The following SLC25A21 variants were observed in gnomAD, a reference collection of about 807,000 sequenced individuals.
SLC25A21 encodes the protein mitochondrial 2-oxodicarboxylate carrier.
SLC25A21 carries 47 observed loss-of-function variants against 43.8 expected under a neutral mutation model. The observed-to-expected ratio is 1.07, with a 90% confidence interval of 0.85 to 1.37. SLC25A21 has a LOEUF of 1.37. SLC25A21 is among the 40% of genes most tolerant of loss of function. The pLI is 0.00. For synonymous variants in SLC25A21, 131 were observed against 121.3 expected, an observed-to-expected ratio of 1.08 and a Z score of -0.52; for missense variants, 352 against 350.2, an observed-to-expected ratio of 1.00 and a Z score of -0.04.
At chr14:37,143,442 T>C (rs941386322) in intron 1 of SLC25A21, among the ~76,000 whole-genome samples, 3 of 152,198 alleles carry the variant, frequency 2.0e-5, no homozygotes, top group African/African-American at 7.2e-5. Context: ...CCGAAGGAAT[T>C]CATGGACATT....
At chr14:36,923,044 AG>A (rs1892025424) in intron 1 of SLC25A21, among the ~76,000 whole-genome samples, 1 of 152,150 alleles carries the variant, frequency 6.6e-6, no homozygotes. Context: ...TTAGTAGACA[AG>A]GCTTTTAGAG....
intron 1 of SLC25A21, among the ~76,000 whole-genome samples, chr14:36,938,304 C>A (rs1479385860): frequency 6.6e-6 from 1 of 152,096 alleles, no homozygotes. Context: ...CTGTGCCAGG[C>A]CTTTAACTAA....
chr14:37,164,919 AATGAG>A (rs1265230711), intron 1 of SLC25A21, among the ~76,000 whole-genome samples: 5 of 152,248 alleles, frequency 3.3e-5, no homozygotes, highest in Non-Finnish European at 7.3e-5. Context: ...GAAGGTGATT[AATGAG>A]ATAACACTAC....
At chr14:36,770,987 A>G (rs1383506613) in intron 3 of SLC25A21, among the ~76,000 whole-genome samples, 1 of 152,166 alleles carries the variant, frequency 6.6e-6, no homozygotes, top group East Asian at 1.9e-4. Flanking sequence ...AAGTGTAAAT[A>G]CAAAGGCCCT....
At chr14:36,814,963 T>C (rs971859894) in intron 2 of SLC25A21, among the ~76,000 whole-genome samples, 2 of 152,152 alleles carry the variant, frequency 1.3e-5, no homozygotes, top group African/African-American at 4.8e-5. Context: ...ATGTGGCACA[T>C]ATACACCATG....
chr14:36,901,536 CAT>C (rs1397489083), intron 1 of SLC25A21, among the ~76,000 whole-genome samples: 18 of 152,030 alleles, frequency 1.2e-4, no homozygotes, highest in Non-Finnish European at 1.9e-4. Context: ...TTTTATAAAA[CAT>C]ATTTAATACT....
chr14:36,968,037 T>C (rs1387430991), intron 1 of SLC25A21, among the ~76,000 whole-genome samples: 1 of 152,066 alleles, frequency 6.6e-6, no homozygotes, highest in Non-Finnish European at 1.5e-5. Flanking sequence ...GAGCAGCAGT[T>C]AAGAAAGCAA....
chr14:37,044,897 A>G (rs1347109833), intron 1 of SLC25A21, among the ~76,000 whole-genome samples: 1 of 152,228 alleles, frequency 6.6e-6, no homozygotes, highest in Non-Finnish European at 1.5e-5. Context: ...AAATTGCTCT[A>G]GATCAATGTC....
chr14:36,834,831 A>T (rs1429347236), intron 2 of SLC25A21, among the ~76,000 whole-genome samples: 3 of 151,686 alleles, frequency 2.0e-5, no homozygotes, highest in Non-Finnish European at 2.9e-5. Flanking sequence ...AAGTGACATT[A>T]AAAAAAAATC....
chr14:36,801,258 C>T (rs1887859832), intron 3 of SLC25A21, among the ~76,000 whole-genome samples: 1 of 152,094 alleles, frequency 6.6e-6, no homozygotes, highest in African/African-American at 2.4e-5. Flanking sequence ...TTGGAGTTTC[C>T]TCCTGCTCAT....
chr14:37,020,532 A>C (rs1217317867), intron 1 of SLC25A21, among the ~76,000 whole-genome samples: 7 of 151,976 alleles, frequency 4.6e-5, no homozygotes, highest in Admixed American at 2.6e-4. Context: ...ATAATCAGAA[A>C]TATACAATGT....
chr14:36,938,971 G>A lies in SLC25A21; in HGVS notation c.71-63967C>T, dbSNP rs944656556. Among the ~76,000 whole-genome samples, 2 of 152,062 alleles carry A rather than the reference G, an allele frequency of 1.3e-5. 1 individual carries two copies. The highest frequency in any genetic ancestry group is 1.3e-4 in the Admixed American group (2 of 15,250). ...TTCACTACTCTCAGCTTGTGTTTCT[G>A]AAAAGTTTTATGTAAACCCAAGTTC... On this transcript the variant is annotated intron_variant, in intron 1 of 9. Transcript: ENST00000331299.
chr14:36,866,067 C>A (rs1196126261), intron 2 of SLC25A21, among the ~76,000 whole-genome samples: 2 of 152,102 alleles, frequency 1.3e-5, no homozygotes, highest in Non-Finnish European at 2.9e-5. Flanking sequence ...TGCCCCCCAC[C>A]CCACTTTCTC....
intron 1 of SLC25A21, among the ~76,000 whole-genome samples, chr14:37,099,313 G>A (rs1310959081): frequency 2.0e-5 from 3 of 152,094 alleles, no homozygotes; most frequent in African/African-American, 7.2e-5. Flanking sequence ...TAACCAAGGA[G>A]GGCCCTGTTC....
chr14:37,157,219 G>T (rs911539564), intron 1 of SLC25A21, among the ~76,000 whole-genome samples: 1 of 151,908 alleles, frequency 6.6e-6, no homozygotes, highest in Non-Finnish European at 1.5e-5. Context: ...AAATTAACTG[G>T]GCATGGTGGT....
At chr14:36,755,273 G>A (rs1187637364) in intron 3 of SLC25A21, among the ~76,000 whole-genome samples, 1 of 152,210 alleles carries the variant, frequency 6.6e-6, no homozygotes, top group Non-Finnish European at 1.5e-5. Context: ...AAGCAACAGT[G>A]TGATATCAGG....
At chr14:36,811,517 G>C (rs1362335399) in intron 3 of SLC25A21, among the ~76,000 whole-genome samples, 2 of 152,064 alleles carry the variant, frequency 1.3e-5, no homozygotes, top group East Asian at 3.9e-4. Context: ...CAGGTGTGGT[G>C]GTGGGCACCT....
At chr14:36,733,517 G>A (rs1008363524) in intron 4 of SLC25A21, among the ~76,000 whole-genome samples, 5 of 152,138 alleles carry the variant, frequency 3.3e-5, no homozygotes, top group Non-Finnish European at 7.3e-5. Flanking sequence ...TCATATAAAG[G>A]TTGGATGTTC....
chr14:36,749,171 TCTA>T (rs1173370825), intron 3 of SLC25A21, among the ~76,000 whole-genome samples: 1 of 152,200 alleles, frequency 6.6e-6, no homozygotes, highest in Middle Eastern at 3.2e-3. Context: ...CCATAAATCC[TCTA>T]CTATGTGGCT....
Sources: gnomAD v4.1 joint callset for allele counts (sites outside exome capture counted in the v4.1 genomes callset) on GRCh38, gnomAD v4.1.1 for gene constraint, MANE v1.5 for transcripts, NCBI Gene and HGNC (gene_info 2026-07-23, HGNC 2026-07-21) for gene names.